Variants in FRMD4B observed in about 807,000 individuals in gnomAD.
FRMD4B encodes FERM domain containing 4B, also known as FERM domain-containing protein 4B.
FRMD4B carries 74 observed loss-of-function variants against 141.5 expected under a neutral mutation model. The observed-to-expected ratio is 0.52, with a 90% confidence interval of 0.43 to 0.63. The LOEUF (loss-of-function observed/expected upper bound fraction) is 0.63. Among genes scored for constraint, FRMD4B ranks in the 30% least tolerant of loss-of-function variants. The pLI, the probability that FRMD4B is intolerant of heterozygous loss-of-function variation, is 0.00. For synonymous variants in FRMD4B, 506 were observed against 467.9 expected, an observed-to-expected ratio of 1.08 and a Z score of -1.05; for missense variants, 1,366 against 1,253.4, an observed-to-expected ratio of 1.09 and a Z score of -1.36.
At chr3:69,180,169 G>C (rs538488631) in intron 21 of FRMD4B, among the ~76,000 whole-genome samples, 1 of 150,232 alleles carries the variant, frequency 6.7e-6, no homozygotes, top group African/African-American at 2.5e-5. Flanking sequence ...GCCAAGGCAG[G>C]AGGGTTGCTT....
intron 5 of FRMD4B, among the ~76,000 whole-genome samples, chr3:69,262,257 A>G (rs2093532264): frequency 6.6e-6 from 1 of 151,988 alleles, no homozygotes; most frequent in African/African-American, 2.4e-5. Flanking sequence ...ACGAACCACC[A>G]TGCCAGGCTT....
chr3:69,339,813 G>C (rs1329999747), intron 1 of FRMD4B, among the ~76,000 whole-genome samples: 1 of 152,142 alleles, frequency 6.6e-6, no homozygotes, highest in East Asian at 1.9e-4. Flanking sequence ...CAGCTCAGGA[G>C]AACACCCCTC....
chr3:69,360,751 G>A (rs1157796226), intron 1 of FRMD4B, among the ~76,000 whole-genome samples: 1 of 152,158 alleles, frequency 6.6e-6, no homozygotes, highest in East Asian at 1.9e-4. Flanking sequence ...GGCTTTATCA[G>A]ATTTCAGTTA....
At chr3:69,440,280 G>A (rs961401543) in intron 1 of FRMD4B, among the ~76,000 whole-genome samples, 2 of 152,074 alleles carry the variant, frequency 1.3e-5, no homozygotes, top group Non-Finnish European at 2.9e-5. Flanking sequence ...CAGGCTATCA[G>A]TTGTAACAAT....
At chr3:69,477,222 C>T (rs1706017397) in intron 1 of FRMD4B, among the ~76,000 whole-genome samples, 1 of 151,920 alleles carries the variant, frequency 6.6e-6, no homozygotes, top group African/African-American at 2.4e-5. Flanking sequence ...ATTTCTCTGG[C>T]CAGAACTTCC....
At chr3:69,453,182 T>C (rs978512426) in intron 1 of FRMD4B, among the ~76,000 whole-genome samples, 4 of 152,158 alleles carry the variant, frequency 2.6e-5, no homozygotes, top group African/African-American at 7.2e-5. Context: ...TGGGCTTGAG[T>C]AGATGGCCAT....
intron 1 of FRMD4B, chr3:69,321,127 A>T (rs1053556269): frequency 6.6e-6 from 1 of 152,562 alleles, no homozygotes; most frequent in African/African-American, 2.4e-5. Context: ...CTGGCCCCCA[A>T]TCCCACTGCC....
intron 5 of FRMD4B, among the ~76,000 whole-genome samples, chr3:69,253,013 C>T (rs779159694): frequency 6.6e-5 from 10 of 151,954 alleles, no homozygotes; most frequent in East Asian, 1.9e-4. Flanking sequence ...AATAGGTCAC[C>T]GGGTTCAGGT....
intron 10 of FRMD4B, 88 bp from the exon 11 acceptor site, chr3:69,216,437 T>C (rs2093142019): frequency 6.0e-6 from 4 of 670,356 alleles, no homozygotes; most frequent in African/African-American, 1.9e-5. Flanking sequence ...CTCTTTTTTT[T>C]TTTTTTTTTT....
At chr3:69,211,460 T>C (rs982127730) in intron 11 of FRMD4B, among the ~76,000 whole-genome samples, 3 of 152,216 alleles carry the variant, frequency 2.0e-5, no homozygotes, top group Non-Finnish European at 4.4e-5. Flanking sequence ...GAAGAGCATC[T>C]GCTGGATGCC....
intron 7 of FRMD4B, among the ~76,000 whole-genome samples, chr3:69,225,627 G>A (rs1295424772): frequency 1.5e-5 from 2 of 130,670 alleles, no homozygotes; most frequent in Non-Finnish European, 3.1e-5. Flanking sequence ...CCTGGGAAGC[G>A]CAGCTTGCAG....
intron 1 of FRMD4B, among the ~76,000 whole-genome samples, chr3:69,349,594 C>A (rs1703065240): frequency 6.6e-6 from 1 of 152,074 alleles, no homozygotes; most frequent in South Asian, 2.1e-4. Context: ...CTACAGTAAC[C>A]AAAAAAGCAT....
At chr3:69,352,158 A>G (rs550384760) in intron 1 of FRMD4B, among the ~76,000 whole-genome samples, 15 of 152,354 alleles carry the variant, frequency 9.8e-5, no homozygotes, top group African/African-American at 3.4e-4. Context: ...AAAGAGCTGC[A>G]TAACAAGATA....
rs61737524 is a variant in FRMD4B at position 69,189,939 on chromosome 3, G to A, written c.1728C>T (p.Pro576=). The change falls in exon 18 of 23, where the codon CCC becomes CCT. Residue 576 remains proline, a synonymous_variant. Transcript: ENST00000398540. ...TGTCAGACAAAGAGCTACTCTCTGA[G>A]GGGATTATGTCTTCTGTGAATAAAA... ...KATVLPEDII[P]SESSSLSDTT... 4.6e-3 allele frequency: 7,349 copies of A among 1,592,604 alleles called. 307 individuals carry two copies. The African/African-American group carries it at 0.088, about 19-fold the overall frequency.
chr3:69,398,744 C>G (rs1704511809), intron 2 of FRMD4B, among the ~76,000 whole-genome samples: 1 of 152,128 alleles, frequency 6.6e-6, no homozygotes, highest in Admixed American at 6.6e-5. Flanking sequence ...TAACTCATGG[C>G]TTTGAGAAAA....
Position 69,224,698 on chromosome 3 carries a change from G to T in FRMD4B, c.582-8C>A, listed in dbSNP as rs200545833. 8 of 1,400,954 alleles carry T rather than the reference G, an allele frequency of 5.7e-6. No homozygotes were observed. Among genetic ancestry groups the T allele is most frequent in the African/African-American group, 4.2e-5 (3 of 70,998 alleles). The allele number at this position is 1,400,954 out of a possible 1,614,324, so 86.8% of individuals were successfully genotyped here. A position where few individuals can be genotyped will look rare whatever the true frequency, so the allele number is the denominator to read the frequency against. On this transcript the variant is annotated splice_region_variant and splice_polypyrimidine_tract_variant and intron_variant, in intron 7 of 22. Transcript: ENST00000398540. Reference sequence around the variant, plus strand: ...TTCCTGGCATTTTCATCACTAAAAAGAAATGGAATATGGTAATGTCAGGTA... The same window carrying T: ...TTCCTGGCATTTTCATCACTAAAAATAAATGGAATATGGTAATGTCAGGTA...
intron 1 of FRMD4B, among the ~76,000 whole-genome samples, chr3:69,490,249 C>G (rs964576754): frequency 1.3e-5 from 2 of 152,124 alleles, no homozygotes; most frequent in Admixed American, 6.5e-5. Flanking sequence ...AATTATATCC[C>G]AATGAAAGCT....
intron 11 of FRMD4B, among the ~76,000 whole-genome samples, chr3:69,212,381 GAAAAA>G (rs61444871): frequency 1.0e-5 from 1 of 95,598 alleles, no homozygotes; most frequent in Non-Finnish European, 1.9e-5. Flanking sequence ...AAAAAAAAAA[GAAAAA>G]AAAAAAGAAA....
intron 1 of FRMD4B, among the ~76,000 whole-genome samples, chr3:69,526,392 T>A (rs1473775080): frequency 1.3e-5 from 2 of 152,190 alleles, no homozygotes; most frequent in Non-Finnish European, 2.9e-5. Flanking sequence ...ACTGCCTGAC[T>A]GATGTTTCCC....
Sources: gnomAD v4.1 joint callset for allele counts (sites outside exome capture counted in the v4.1 genomes callset) on GRCh38, gnomAD v4.1.1 for gene constraint, MANE v1.5 for transcripts, NCBI Gene and HGNC (gene_info 2026-07-23, HGNC 2026-07-21) for gene names.